The following KCTD1 variants were observed in gnomAD, a reference collection of about 807,000 sequenced individuals.
KCTD1 encodes the protein BTB/POZ domain-containing protein KCTD1.
A neutral mutation model predicts 66.0 loss-of-function variants in KCTD1; 24 were observed. The observed-to-expected ratio is 0.36, with a 90% CI of 0.26 to 0.51. The LOEUF (loss-of-function observed/expected upper bound fraction) is 0.51, where lower values mean the gene tolerates loss of function less well. Ranked by LOEUF, KCTD1 falls within the 20% of genes least tolerant of loss-of-function variation. KCTD1 has a pLI of 0.95. For missense variants in KCTD1, 943 were observed against 1,205.2 expected (o/e 0.78, Z 3.22); for synonymous variants, 511 against 517.2 (o/e 0.99, Z 0.16).
At position 26,468,322 on chromosome 18, in the gene KCTD1, A is replaced by T. The variant is rs1980861381; in HGVS notation, c.2133+8193T>A. On this transcript the variant is annotated intron_variant, in intron 3 of 4. Coordinates refer to ENST00000580059, the MANE Select transcript of KCTD1 (RefSeq NM_001142730.3). This position sits in a 1 kb window ranked among gnomAD's most constrained non-coding sequence, Gnocchi z 4.8. ...CCAGGACAGGAGCAACTGCCACTTA[A>T]ATGGTGTTCTGAAATATGAAATTAT... is the stretch of plus-strand genomic sequence containing the variant. 6.6e-6 allele frequency among the ~76,000 whole-genome samples: 1 copy of T among 152,204 alleles called. No homozygotes were observed. Among genetic ancestry groups the T allele is most frequent in the Admixed American group, 6.5e-5 (1 of 15,292 alleles).
At chr18:26,610,722 G>A (rs1156865101) in intron 1 of KCTD1, among the ~76,000 whole-genome samples, 1 of 152,014 alleles carries the variant, frequency 6.6e-6, no homozygotes, top group Non-Finnish European at 1.5e-5. Context: ...AAGAAAGAAA[G>A]GAAGAAAGGA....
chr18:26,572,729 T>G (rs551496533), intron 1 of KCTD1, among the ~76,000 whole-genome samples: 1 of 152,290 alleles, frequency 6.6e-6, no homozygotes, highest in East Asian at 1.9e-4. Context: ...CTGCCCCCCA[T>G]GGTGGTAAAC....
chr18:26,493,040 T>A (rs546971939), intron 2 of KCTD1, among the ~76,000 whole-genome samples: 1 of 152,204 alleles, frequency 6.6e-6, no homozygotes, highest in Non-Finnish European at 1.5e-5. Flanking sequence ...AACTTTTGAA[T>A]GTCCACCCTG....
At chr18:26,655,462 A>G (rs1598987249) in intron 1 of KCTD1, among the ~76,000 whole-genome samples, 1 of 152,260 alleles carries the variant, frequency 6.6e-6, no homozygotes, top group East Asian at 1.9e-4. Flanking sequence ...AGACACACAC[A>G]CGCACACATA....
At chr18:26,548,674 A>C, upstream of KCTD1, 4 of 888,080 alleles carry the variant, frequency 4.5e-6, no homozygotes, top group East Asian at 7.5e-5. Flanking sequence ...TCCAATTGTC[A>C]TTCCCGAGCG....
rs959694874 is a variant in KCTD1, at chr18:26,548,485, C to CGCTGCCGCCCGCGCTGGT, written c.34_51dup (p.Thr12_Ser17dup). On this transcript the variant is annotated inframe_insertion, in exon 1 of 5. Transcript: ENST00000580059. ...TCGGCGGCGGCGGCGGCAGCGCTGG[C>CGCTGCCGCCCGCGCTGGT]GCTGCCGCCCGCGCTGGTGTTACAG... 2 of 1,237,882 alleles carry CGCTGCCGCCCGCGCTGGT rather than the reference C, an allele frequency of 1.6e-6. No homozygotes were observed. The highest frequency in any genetic ancestry group is 2.0e-6 in the Non-Finnish European group (2 of 996,908). The allele number at this position is 1,237,882 out of a possible 1,614,324, so 76.7% of individuals were successfully genotyped here.
intron 1 of KCTD1, among the ~76,000 whole-genome samples, chr18:26,512,966 G>A (rs1983416509): frequency 1.3e-5 from 2 of 151,676 alleles, no homozygotes; most frequent in African/African-American, 4.8e-5. Context: ...GGGCAACGCA[G>A]AAAGACTGTC....
intron 1 of KCTD1, among the ~76,000 whole-genome samples, chr18:26,538,418 G>C (rs921832763): frequency 1.3e-5 from 2 of 152,078 alleles, no homozygotes; most frequent in Admixed American, 6.5e-5. Flanking sequence ...TTGTGAGAGG[G>C]AAGAGGGCCC....
chr18:26,528,617 CCTT>C (rs1354750721), intron 1 of KCTD1, among the ~76,000 whole-genome samples: 3 of 152,178 alleles, frequency 2.0e-5, no homozygotes, highest in Non-Finnish European at 4.4e-5. Flanking sequence ...TTCTGTTCCT[CCTT>C]CTTCACCTCT....
chr18:26,554,518 G>A (rs1010790832), intron 1 of KCTD1, among the ~76,000 whole-genome samples: 3 of 152,170 alleles, frequency 2.0e-5, no homozygotes, highest in Non-Finnish European at 4.4e-5. Context: ...AGAATTCATA[G>A]ACAAAAGGAA....
intron 1 of KCTD1, among the ~76,000 whole-genome samples, chr18:26,568,735 GT>G (rs1323493868): frequency 6.6e-6 from 1 of 152,170 alleles, no homozygotes; most frequent in Non-Finnish European, 1.5e-5. Flanking sequence ...CTGTTAATTT[GT>G]AACTAATTTG....
upstream of KCTD1, chr18:26,549,262 G>C (rs1461213647): frequency 4.1e-6 from 4 of 985,764 alleles, no homozygotes; most frequent in Non-Finnish European, 4.8e-6. Flanking sequence ...GGCGAGGCGC[G>C]GGGGCCTGGG....
At chr18:26,526,274 C>A (rs1984154692) in intron 1 of KCTD1, among the ~76,000 whole-genome samples, 1 of 152,134 alleles carries the variant, frequency 6.6e-6, no homozygotes, top group Admixed American at 6.5e-5. Context: ...AGGAGGGAAA[C>A]CATGCTGCCC....
chr18:26,645,928 A>G (rs899910438), intron 1 of KCTD1, among the ~76,000 whole-genome samples: 1 of 152,224 alleles, frequency 6.6e-6, no homozygotes, highest in Non-Finnish European at 1.5e-5. Context: ...GTTGTATACT[A>G]AAGTTTAAGA....
At chr18:26,480,868 T>C (rs528001735) in intron 2 of KCTD1, among the ~76,000 whole-genome samples, 6 of 152,210 alleles carry the variant, frequency 3.9e-5, no homozygotes, top group Non-Finnish European at 8.8e-5. Flanking sequence ...GGGAAGTGAG[T>C]CTGGTTCTCT....
At chr18:26,640,089 A>G (rs765710014) in intron 1 of KCTD1, among the ~76,000 whole-genome samples, 3 of 152,078 alleles carry the variant, frequency 2.0e-5, no homozygotes, top group Non-Finnish European at 4.4e-5. Context: ...CAGAGAAGAG[A>G]GGTCTAAAGG....
At chr18:26,525,534 C>T (rs1033213623) in intron 1 of KCTD1, among the ~76,000 whole-genome samples, 2 of 152,274 alleles carry the variant, frequency 1.3e-5, no homozygotes, top group East Asian at 1.9e-4. Context: ...AAAACCTTTG[C>T]GTGAGCTGAT....
At position 26,517,462 on chromosome 18, in the gene KCTD1, C is replaced by T. The variant is rs1983708158; in HGVS notation, c.1810-16212G>A. Reference sequence around the variant, plus strand: ...CCTGCGGTTGAGAGTTGGAGACCAGCCTGACCAACATGGAGAAACCCCGTC... The same window carrying T: ...CCTGCGGTTGAGAGTTGGAGACCAGTCTGACCAACATGGAGAAACCCCGTC... On this transcript the variant is annotated intron_variant, in intron 1 of 4. Transcript: ENST00000580059. Among the ~76,000 whole-genome samples, 4 of 152,180 alleles carry T rather than the reference C, an allele frequency of 2.6e-5. No individual in the cohort carries two copies. The South Asian group carries it at 8.3e-4, about 32-fold the overall frequency.
At chr18:26,593,616 G>GGAGGAGGAGGAA (rs1986684102) in intron 1 of KCTD1, among the ~76,000 whole-genome samples, 2 of 137,222 alleles carry the variant, frequency 1.5e-5, no homozygotes, top group African/African-American at 5.6e-5. Context: ...AGGAAGACAA[G>GGAGGAGGAGGAA]GAGGAGGAGG....
Sources: allele counts gnomAD v4.1 joint callset (sites outside exome capture counted in the v4.1 genomes callset), GRCh38; gene constraint gnomAD v4.1.1; non-coding constraint Gnocchi (gnomAD v3.1); transcripts MANE v1.5; gene names NCBI Gene and HGNC (gene_info 2026-07-23, HGNC 2026-07-21).